The following PIK3C2G variants were observed in gnomAD, a reference collection of about 807,000 sequenced individuals.
PIK3C2G encodes the protein phosphatidylinositol-4-phosphate 3-kinase catalytic subunit type 2 gamma, also known as phosphatidylinositol 3-kinase C2 domain-containing subunit gamma.
PIK3C2G carries 168 observed loss-of-function variants against 181.1 expected under a neutral mutation model. That is an observed-to-expected ratio of 0.93 (90% CI 0.82 to 1.05). The LOEUF (loss-of-function observed/expected upper bound fraction) is 1.05, where lower values mean the gene tolerates loss of function less well. PIK3C2G is among the 50% of genes least tolerant of loss of function. The pLI, the probability that PIK3C2G is intolerant of heterozygous loss-of-function variation, is 0.00. For missense variants in PIK3C2G, 1,869 were observed against 1,732.8 expected (o/e 1.08, Z -1.40); for synonymous variants, 573 against 592.2 (o/e 0.97, Z 0.47).
chr12:18,717,304 G>A, the PIK3C2G span, among the ~76,000 whole-genome samples: 3 of 151,998 alleles, frequency 2.0e-5, no homozygotes, highest in African/African-American at 7.2e-5. Flanking sequence ...AAATTGGGCT[G>A]TCTTTACAGA....
In PIK3C2G at chr12:18,641,820, G is replaced by T. The variant is rs565695041; in HGVS notation, c.4308+1266G>T. Reference sequence around the variant, plus strand: ...GCTGGAGTGCAGTGGCGCAATCTCAGCTCACCACAACCTCCACCTCCCAGA... The same window carrying T: ...GCTGGAGTGCAGTGGCGCAATCTCATCTCACCACAACCTCCACCTCCCAGA... On this transcript the variant is annotated intron_variant, in intron 32 of 32. Transcript: ENST00000538779. Among the ~76,000 whole-genome samples the T allele has an allele frequency of 2.8e-5, 4 of 140,376 alleles. No individual in the cohort carries two copies. In the East Asian group the frequency reaches 8.9e-4, roughly 31 times the overall value. 92.1% of individuals were successfully genotyped at this position (140,376 alleles called of 152,430 possible).
intron 16 of PIK3C2G, among the ~76,000 whole-genome samples, chr12:18,403,047 G>A (rs1383954445): frequency 6.6e-6 from 1 of 152,100 alleles, no homozygotes; most frequent in African/African-American, 2.4e-5. Flanking sequence ...GAACCATTCT[G>A]TTTAAAGCCT....
At chr12:18,463,662 A>G (rs763937496) in intron 18 of PIK3C2G, among the ~76,000 whole-genome samples, 4 of 152,212 alleles carry the variant, frequency 2.6e-5, no homozygotes, top group African/African-American at 4.8e-5. Context: ...AAACCAAGGC[A>G]ATTAAGACAG....
At chr12:18,346,585 G>T in intron 10 of PIK3C2G, 56 bp from the exon 11 acceptor site, 2 of 952,246 alleles carry the variant, frequency 2.1e-6, no homozygotes, top group Non-Finnish European at 3.2e-6. Flanking sequence ...GTAATTGATG[G>T]CCTATGATAA....
intron 25 of PIK3C2G, among the ~76,000 whole-genome samples, chr12:18,542,723 A>C (rs1944226404): frequency 6.6e-6 from 1 of 151,802 alleles, no homozygotes; most frequent in Non-Finnish European, 1.5e-5. Flanking sequence ...CCCATGTTCC[A>C]GTAAAAGACA....
At chr12:18,705,075 G>T in the PIK3C2G span, 2 of 1,477,370 alleles carry the variant, frequency 1.4e-6, no homozygotes, top group East Asian at 2.3e-5. Flanking sequence ...CATTTTCATT[G>T]GTCTCTAGCC....
At chr12:18,461,596 C>T (rs1290986389) in intron 18 of PIK3C2G, among the ~76,000 whole-genome samples, 2 of 152,182 alleles carry the variant, frequency 1.3e-5, no homozygotes, top group African/African-American at 4.8e-5. Flanking sequence ...TCCTGCATCT[C>T]CACCAACATC....
chr12:18,712,980 A>C, the PIK3C2G span: 17 of 1,613,790 alleles, frequency 1.1e-5, no homozygotes, highest in Non-Finnish European at 1.4e-5. Context: ...ATCCTTTCAC[A>C]AGGGCACTAG....
At chr12:18,579,001 G>A (rs1565527368) in intron 29 of PIK3C2G, among the ~76,000 whole-genome samples, 3 of 151,834 alleles carry the variant, frequency 2.0e-5, no homozygotes, top group South Asian at 2.1e-4. Flanking sequence ...AATCCTATAC[G>A]CTTCTACACT....
chr12:18,415,142 T>C (rs7968533), intron 16 of PIK3C2G, among the ~76,000 whole-genome samples: 18,445 of 152,246 alleles, frequency 0.12, 1,521 homozygotes, highest in Admixed American at 0.26. Context: ...TACTTTATTG[T>C]GCTCTACTTT....
intron 14 of PIK3C2G, among the ~76,000 whole-genome samples, chr12:18,387,495 G>A (rs1943249848): frequency 6.6e-6 from 1 of 151,936 alleles, no homozygotes; most frequent in Non-Finnish European, 1.5e-5. Flanking sequence ...GTGAATTTAT[G>A]AATACTGTTC....
chr12:18,516,259 T>C (rs924947242), intron 24 of PIK3C2G, among the ~76,000 whole-genome samples: 4 of 106,764 alleles, frequency 3.7e-5, no homozygotes, highest in Non-Finnish European at 7.5e-5. Flanking sequence ...TATTGACTGA[T>C]GGTTTTTTTT....
chr12:18,561,171 G>T (rs533329772), intron 26 of PIK3C2G, among the ~76,000 whole-genome samples: 3 of 152,316 alleles, frequency 2.0e-5, no homozygotes, highest in African/African-American at 7.2e-5. Flanking sequence ...AGAGATGTGG[G>T]CACAAAGACT....
chr12:18,648,052 A>G lies in PIK3C2G; in HGVS notation c.*24A>G, dbSNP rs761353978. ...GACCATTGCTATGAACATATGCATT[A>G]TTCATTAACTACTTGTATTTTTTTC... is the stretch of plus-strand genomic sequence containing the variant. On this transcript the variant is annotated 3_prime_UTR_variant, in exon 33 of 33. Transcript: ENST00000538779. 18 of 1,473,570 alleles carry G rather than the reference A, an allele frequency of 1.2e-5. No individual in the cohort carries two copies. Among genetic ancestry groups the G allele is most frequent in the Admixed American group, 6.1e-5 (3 of 49,182 alleles). The allele number at this position is 1,473,570 out of a possible 1,614,324, so 91.3% of individuals were successfully genotyped here.
intron 18 of PIK3C2G, among the ~76,000 whole-genome samples, chr12:18,478,382 G>A (rs980096594): frequency 6.6e-5 from 10 of 152,170 alleles, no homozygotes; most frequent in African/African-American, 2.4e-4. Flanking sequence ...CACATCTGTT[G>A]CATGTGCACA....
chr12:18,446,856 G>A (rs1469161698), intron 18 of PIK3C2G, among the ~76,000 whole-genome samples: 1 of 151,992 alleles, frequency 6.6e-6, no homozygotes, highest in African/African-American at 2.4e-5. Flanking sequence ...TGGTTTCAAA[G>A]GCCTTTTTCC....
intron 29 of PIK3C2G, among the ~76,000 whole-genome samples, chr12:18,592,195 T>C (rs1947117860): frequency 1.3e-5 from 2 of 151,844 alleles, no homozygotes; most frequent in Admixed American, 6.6e-5. Flanking sequence ...TGCATCATTA[T>C]AGATGTCACC....
rs1388591295 is a variant in PIK3C2G at position 18,282,536 on chromosome 12, A to G, written c.455A>G (p.Asp152Gly). ...SILAPSFTSL[D>G]KINLEKELEN... ...TTAGCTCCATCATTCACAAGTTTGG[A>G]TAAAATTAATCTAGAGAAAGAATTA... The change falls in exon 2 of 33, where the codon GAT becomes GGT. Residue 152 changes from aspartate to glycine, a missense_variant. By Grantham distance (94) the Asp-to-Gly change is moderately conservative (BLOSUM62 -1). Transcript: ENST00000538779. 4 of 1,611,390 alleles carry G rather than the reference A, an allele frequency of 2.5e-6. No individual in the cohort carries two copies. The South Asian group carries it at 4.4e-5, about 18-fold the overall frequency.
chr12:18,559,821 T>TATAG (rs1945244509), intron 26 of PIK3C2G, among the ~76,000 whole-genome samples: 2 of 18,368 alleles, frequency 1.1e-4, no homozygotes, highest in Non-Finnish European at 1.9e-4. Flanking sequence ...TATATATATA[T>TATAG]AGAGAGAGAG....
Sources: gnomAD v4.1 joint callset for allele counts (sites outside exome capture counted in the v4.1 genomes callset) on GRCh38, gnomAD v4.1.1 for gene constraint, MANE v1.5 for transcripts, NCBI Gene and HGNC (gene_info 2026-07-23, HGNC 2026-07-21) for gene names.